GPC5: variants seen among roughly 807,000 people sequenced by gnomAD.
GPC5 encodes glypican-5.
Under a neutral mutation model 53.9 loss-of-function variants are expected in GPC5, and 47 were observed. The ratio of observed to expected loss-of-function variants is 0.87; its 90% CI spans 0.69 to 1.11. The LOEUF is 1.11. Ranked by LOEUF, GPC5 falls within the 50% of genes most tolerant of loss-of-function variation. The pLI is 0.00. For synonymous variants in GPC5, 286 were observed against 263.3 expected (o/e 1.09, Z -0.84); for missense variants, 748 against 713.1 (o/e 1.05, Z -0.56).
intron 6 of GPC5, among the ~76,000 whole-genome samples, chr13:91,927,233 G>T (rs1185887148): frequency 1.3e-5 from 2 of 152,086 alleles, no homozygotes; most frequent in African/African-American, 2.4e-5. Context: ...AATTATTTTT[G>T]TTAAGATTGG....
chr13:91,740,762 CA>C (rs780932193), intron 4 of GPC5, among the ~76,000 whole-genome samples: 44 of 152,272 alleles, frequency 2.9e-4, no homozygotes, highest in Non-Finnish European at 6.0e-4. Context: ...ACATTGCGCT[CA>C]TATAGTTGTC....
chr13:92,005,135 A>G (rs1421746258), intron 6 of GPC5, among the ~76,000 whole-genome samples: 2 of 152,156 alleles, frequency 1.3e-5, no homozygotes, highest in South Asian at 2.1e-4. Flanking sequence ...ATTAACTATC[A>G]CACAAGTTTA....
intron 7 of GPC5, among the ~76,000 whole-genome samples, chr13:92,714,458 A>G (rs1190941889): frequency 1.3e-5 from 2 of 152,146 alleles, no homozygotes; most frequent in African/African-American, 4.8e-5. Flanking sequence ...GTTTTGTTTC[A>G]TTAGTTGTAT....
chr13:92,764,667 C>T (rs745962834), intron 7 of GPC5, among the ~76,000 whole-genome samples: 6 of 152,134 alleles, frequency 3.9e-5, no homozygotes, highest in Non-Finnish European at 8.8e-5. Flanking sequence ...CTCTAGGTGG[C>T]CTTCCTGGGT....
chr13:91,619,906 T>C (rs2033806591), intron 2 of GPC5, among the ~76,000 whole-genome samples: 1 of 152,144 alleles, frequency 6.6e-6, no homozygotes, highest in South Asian at 2.1e-4. Flanking sequence ...TATTTCTTTG[T>C]TCAATTTGTA....
At chr13:92,611,010 T>G (rs1413025580) in intron 7 of GPC5, among the ~76,000 whole-genome samples, 1 of 150,796 alleles carries the variant, frequency 6.6e-6, no homozygotes, top group African/African-American at 2.4e-5. Context: ...ATTTCTCTGC[T>G]TAGTGATCAA....
intron 1 of GPC5, among the ~76,000 whole-genome samples, chr13:91,420,630 T>C (rs9583923): frequency 0.12 from 18,369 of 152,238 alleles, 1,991 homozygotes; most frequent in African/African-American, 0.29. Flanking sequence ...TATGGTTTGG[T>C]TCTGTGTCCC....
intron 7 of GPC5, among the ~76,000 whole-genome samples, chr13:92,174,378 A>C (rs1382205574): frequency 2.1e-5 from 3 of 142,650 alleles, no homozygotes; most frequent in African/African-American, 5.2e-5. Flanking sequence ...AAAAAAAAAC[A>C]AAAAAAAATG....
At chr13:91,996,585 T>A (rs2040505910) in intron 6 of GPC5, 1 of 152,212 alleles carries the variant, frequency 6.6e-6, no homozygotes, top group African/African-American at 2.4e-5. Context: ...GCTAAATTAA[T>A]TGTCACAAAA....
At chr13:91,661,422 G>T (rs964441288) in intron 2 of GPC5, among the ~76,000 whole-genome samples, 1 of 152,198 alleles carries the variant, frequency 6.6e-6, no homozygotes, top group Non-Finnish European at 1.5e-5. Context: ...CTGAGTTCAG[G>T]TGCAGCCCCT....
intron 2 of GPC5, among the ~76,000 whole-genome samples, chr13:91,618,553 C>T (rs1052902138): frequency 2.6e-5 from 4 of 152,058 alleles, no homozygotes; most frequent in Non-Finnish European, 5.9e-5. Context: ...ATAAGGACTG[C>T]GGAATTAGAA....
At chr13:92,402,582 C>T (rs767571630) in intron 7 of GPC5, among the ~76,000 whole-genome samples, 5 of 152,180 alleles carry the variant, frequency 3.3e-5, no homozygotes, top group Non-Finnish European at 7.3e-5. Context: ...CAGGATGAAG[C>T]TGTTCTGCCT....
chr13:92,505,485 C>T (rs1324922205), intron 7 of GPC5, among the ~76,000 whole-genome samples: 2 of 151,964 alleles, frequency 1.3e-5, no homozygotes, highest in African/African-American at 4.8e-5. Context: ...GGTCAAAGAG[C>T]AACTGGGATT....
chr13:91,609,226 A>G (rs1382704089), intron 2 of GPC5, among the ~76,000 whole-genome samples: 2 of 151,576 alleles, frequency 1.3e-5, no homozygotes, highest in Non-Finnish European at 2.9e-5. Context: ...CGAATGCTGT[A>G]TCATATTAGG....
chr13:92,650,326 A>C (rs1885912541), intron 7 of GPC5, among the ~76,000 whole-genome samples: 1 of 152,144 alleles, frequency 6.6e-6, no homozygotes, highest in Non-Finnish European at 1.5e-5. Flanking sequence ...TAATCATATA[A>C]GGAAAGTCCC....
intron 2 of GPC5, among the ~76,000 whole-genome samples, chr13:91,551,920 T>C (rs1388665569): frequency 6.6e-6 from 1 of 152,076 alleles, no homozygotes; most frequent in African/African-American, 2.4e-5. Context: ...TTAATACTGG[T>C]TAATATATAG....
At chr13:91,929,828 C>T (rs1472399396) in intron 6 of GPC5, among the ~76,000 whole-genome samples, 5 of 151,324 alleles carry the variant, frequency 3.3e-5, no homozygotes, top group South Asian at 4.2e-4. Flanking sequence ...TTTTTATTTA[C>T]GACTTTGGAA....
chr13:91,693,037 C>G, intron 2 of GPC5, 150 bp from the exon 3 acceptor site: 1 of 631,016 alleles, frequency 1.6e-6, no homozygotes, highest in Non-Finnish European at 2.8e-6. Flanking sequence ...CGGTCATTAT[C>G]CTTGGAAAGC....
intron 7 of GPC5, among the ~76,000 whole-genome samples, chr13:92,694,934 G>A (rs1887515915): frequency 6.6e-6 from 1 of 152,098 alleles, no homozygotes; most frequent in Non-Finnish European, 1.5e-5. Context: ...ATCGGTGTAG[G>A]GTGGGGTCCC....
Sources: gnomAD v4.1 joint callset for allele counts (sites outside exome capture counted in the v4.1 genomes callset) on GRCh38, gnomAD v4.1.1 for gene constraint, MANE v1.5 for transcripts, NCBI Gene and HGNC (gene_info 2026-07-23, HGNC 2026-07-21) for gene names.